Variants in ZBTB38 observed in about 807,000 individuals in gnomAD.
ZBTB38 encodes the protein zinc finger and BTB domain-containing protein 38.
A neutral mutation model predicts 76.8 loss-of-function variants in ZBTB38; 20 were observed. The observed-to-expected ratio is 0.26, with a 90% CI of 0.18 to 0.38. The LOEUF (loss-of-function observed/expected upper bound fraction) is 0.38, where lower values mean the gene tolerates loss of function less well. Ranked by LOEUF, ZBTB38 falls within the 10% of genes least tolerant of loss-of-function variation. ZBTB38 has a pLI of 1.00. For missense variants in ZBTB38, 1,082 were observed against 1,482.3 expected (o/e 0.73, Z 4.43); for synonymous variants, 504 against 544.2 (o/e 0.93, Z 1.03).
intron 4 of ZBTB38, chr3:141,387,445 G>A (rs1423241467): frequency 6.6e-6 from 1 of 152,172 alleles, no homozygotes; most frequent in Non-Finnish European, 1.5e-5. Context: ...ATGCAGGTAG[G>A]AGGCAAGGTG....
chr3:141,385,959 C>T (rs910970481), intron 3 of ZBTB38: 8 of 152,168 alleles, frequency 5.3e-5, no homozygotes, highest in African/African-American at 1.9e-4. Flanking sequence ...CAGCACTGAC[C>T]TCCTGATGTC....
chr3:141,443,489 C>T lies in ZBTB38; in HGVS notation c.1101C>T (p.Thr367=). 1 of 1,614,218 alleles carries T rather than the reference C, an allele frequency of 6.2e-7. No homozygotes were observed. Among genetic ancestry groups the T allele is most frequent in the Non-Finnish European group, 8.5e-7 (1 of 1,180,046 alleles). ...CCCACATGCAGCTTCACAAGCCAAC[C>T]CAGGAGCCTTTAGTGTGCAAGTATT... is the stretch of plus-strand genomic sequence containing the variant. ...LSAHMQLHKP[T]QEPLVCKYCN... is the part of the protein sequence containing the mutation. Residue 367 remains threonine (T), a synonymous_variant, in exon 6 of 6, where the codon ACC becomes ACT. Coordinates refer to ENST00000321464, the MANE Select transcript of ZBTB38 (RefSeq NM_001376113.1). The surrounding 1 kb of genome is among the most constrained non-coding windows in gnomAD (Gnocchi z 5.6).
At position 141,403,973 on chromosome 3, in the gene ZBTB38, G is replaced by A. The variant is rs1953338606; in HGVS notation, c.-59G>A. 1.3e-5 allele frequency: 2 copies of A among 152,208 alleles called. No homozygotes were observed. Among genetic ancestry groups the A allele is most frequent in the South Asian group, 4.1e-4 (2 of 4,830 alleles). The allele number at this position is 152,208 out of a possible 1,614,324, so 9.4% of individuals were successfully genotyped here. A position where few individuals can be genotyped will look rare whatever the true frequency, so the allele number is the denominator to read the frequency against. Reference sequence around the variant, plus strand: ...AGGACTCAGAACCAAGGATTTCCAAGTGATTTCTTCCAAAGCACAGGAATC... The same window carrying A: ...AGGACTCAGAACCAAGGATTTCCAAATGATTTCTTCCAAAGCACAGGAATC... On this transcript the variant is annotated 5_prime_UTR_variant, in exon 5 of 6. It adds an upstream start codon to the 5' untranslated region. Transcript: ENST00000321464.
At chr3:141,339,759 T>C (rs1430097262) in intron 1 of ZBTB38, among the ~76,000 whole-genome samples, 1 of 152,156 alleles carries the variant, frequency 6.6e-6, no homozygotes, top group Non-Finnish European at 1.5e-5. Flanking sequence ...AAGAATTCTA[T>C]TTTTGACATG....
At chr3:141,432,172 T>C in intron 5 of ZBTB38, 1 of 985,500 alleles carries the variant, frequency 1.0e-6, no homozygotes, top group Non-Finnish European at 1.2e-6. Context: ...ACCTGCGCAG[T>C]AGATTTCACT....
intron 5 of ZBTB38, among the ~76,000 whole-genome samples, chr3:141,433,892 C>T (rs971344477): frequency 2.6e-5 from 4 of 152,130 alleles, no homozygotes; most frequent in African/African-American, 9.7e-5. Flanking sequence ...GTGATAATCT[C>T]CTAAAAGTGT....
At chr3:141,335,408 C>T (rs1211113275) in intron 1 of ZBTB38, among the ~76,000 whole-genome samples, 2 of 152,230 alleles carry the variant, frequency 1.3e-5, no homozygotes, top group African/African-American at 4.8e-5. Flanking sequence ...AAATCAACTT[C>T]CTTAGATACA....
rs527462253 is a variant in ZBTB38 at position 141,431,272 on chromosome 3, G to A, written c.1-11117G>A. Reference sequence around the variant, plus strand: ...CAGGATGTGGAGATTGCAGTGAGTCGAGATTGTGCCATTGCACTCCAGCCT... The same window carrying A: ...CAGGATGTGGAGATTGCAGTGAGTCAAGATTGTGCCATTGCACTCCAGCCT... On this transcript the variant is annotated intron_variant, in intron 5 of 5. Transcript: ENST00000321464. Among the ~76,000 whole-genome samples, 888 of 146,952 alleles carry A rather than the reference G, an allele frequency of 6.0e-3. 6 individuals are homozygous for A. The highest frequency in any genetic ancestry group is 0.022 in the African/African-American group (841 of 38,560).
At chr3:141,350,108 T>C (rs1162247035) in intron 1 of ZBTB38, among the ~76,000 whole-genome samples, 1 of 152,026 alleles carries the variant, frequency 6.6e-6, no homozygotes, top group African/African-American at 2.4e-5. Flanking sequence ...TAAGAGAAAA[T>C]GCATATTGAG....
intron 1 of ZBTB38, among the ~76,000 whole-genome samples, chr3:141,334,444 CTTTCCTTT>C (rs1202010074): frequency 0.013 from 1,004 of 74,996 alleles, 18 homozygotes; most frequent in Non-Finnish European, 0.017. Context: ...TTCCTTCCTT[CTTTCCTTT>C]CTTCCTTCCT....
At chr3:141,354,407 G>A (rs1576670084) in intron 1 of ZBTB38, among the ~76,000 whole-genome samples, 2 of 152,198 alleles carry the variant, frequency 1.3e-5, no homozygotes, top group South Asian at 4.2e-4. Flanking sequence ...TCGCAATCAG[G>A]TGGTGGCCAT....
chr3:141,371,055 T>C (rs1184897453), intron 2 of ZBTB38, among the ~76,000 whole-genome samples: 8 of 122,540 alleles, frequency 6.5e-5, no homozygotes, highest in East Asian at 4.1e-4. Flanking sequence ...CTTTTTTTTT[T>C]TTTTTTTTTT....
intron 3 of ZBTB38, among the ~76,000 whole-genome samples, chr3:141,382,898 A>G (rs1227295037): frequency 6.6e-6 from 1 of 152,220 alleles, no homozygotes; most frequent in African/African-American, 2.4e-5. Flanking sequence ...GTGTGGACGT[A>G]GGAGGAAGTT....
chr3:141,422,779 T>C (rs1439864922), intron 5 of ZBTB38, among the ~76,000 whole-genome samples: 3 of 152,146 alleles, frequency 2.0e-5, no homozygotes, highest in African/African-American at 7.2e-5. Context: ...AACAATATAG[T>C]CACTTAATTT....
chr3:141,357,818 C>A (rs1226346755), intron 1 of ZBTB38, among the ~76,000 whole-genome samples: 1 of 152,190 alleles, frequency 6.6e-6, no homozygotes, highest in Non-Finnish European at 1.5e-5. Context: ...TTTGTATCAT[C>A]AACTTAGCTT....
In ZBTB38 at chr3:141,446,623, C is replaced by G. The variant is rs552562952; in HGVS notation, c.*647C>G. The G allele has an allele frequency of 1.6e-4, 25 of 152,668 alleles. No homozygotes were observed. The highest frequency in any genetic ancestry group is 5.8e-4 in the African/African-American group (24 of 41,526). The allele number at this position is 152,668 out of a possible 1,614,324, so 9.5% of individuals were successfully genotyped here. On this transcript the variant is annotated 3_prime_UTR_variant, in exon 6 of 6. Transcript: ENST00000321464. ...CTATAACTTTTAACTGTCCATATCC[C>G]CTGTAGAGAATTATGAGGAGCAATA...
chr3:141,336,583 A>T (rs1943021932), intron 1 of ZBTB38, among the ~76,000 whole-genome samples: 1 of 152,140 alleles, frequency 6.6e-6, no homozygotes, highest in Admixed American at 6.5e-5. Flanking sequence ...TCCTGGCCTC[A>T]AGCAATCCTT....
intron 1 of ZBTB38, among the ~76,000 whole-genome samples, chr3:141,333,664 G>T (rs2148886733): frequency 6.6e-6 from 1 of 152,238 alleles, no homozygotes; most frequent in South Asian, 2.1e-4. Context: ...CAGTGTGGGT[G>T]GGGAAAGAGT....
upstream of ZBTB38, chr3:141,367,140 G>C (rs1943999991): frequency 1.3e-5 from 2 of 152,370 alleles, no homozygotes; most frequent in African/African-American, 4.8e-5. Context: ...TGGAATCTTT[G>C]AGAGTGCCGT....
Sources: gnomAD v4.1 joint callset for allele counts (sites outside exome capture counted in the v4.1 genomes callset) on GRCh38, gnomAD v4.1.1 for gene constraint, Gnocchi (gnomAD v3.1) non-coding constraint, MANE v1.5 for transcripts, NCBI Gene and HGNC (gene_info 2026-07-23, HGNC 2026-07-21) for gene names.